Variants in TDRD1 observed in about 807,000 individuals in gnomAD.
TDRD1 encodes tudor domain containing 1, also known as tudor domain-containing protein 1.
Under a neutral mutation model 140.6 loss-of-function variants are expected in TDRD1, and 37 were observed. The ratio of observed to expected loss-of-function variants is 0.26; its 90% CI spans 0.20 to 0.35. The LOEUF (loss-of-function observed/expected upper bound fraction) is 0.35, where lower values mean the gene tolerates loss of function less well. Among genes scored for constraint, TDRD1 ranks in the 10% least tolerant of loss-of-function variants. The pLI is 1.00. For synonymous variants in TDRD1, 506 were observed against 475.7 expected, an observed-to-expected ratio of 1.06 and a Z score of -0.83; for missense variants, 1,243 against 1,393.0, an observed-to-expected ratio of 0.89 and a Z score of 1.71.
intron 5 of TDRD1, 59 bp from the exon 6 acceptor site, chr10:114,202,179 T>C (rs2034791188): frequency 7.6e-7 from 1 of 1,313,092 alleles, no homozygotes; most frequent in Non-Finnish European, 1.1e-6. Flanking sequence ...TTGTGGTTGA[T>C]AGCCCCTATG....
intron 3 of TDRD1, among the ~76,000 whole-genome samples, chr10:114,196,215 A>T (rs1022676486): frequency 6.6e-6 from 1 of 152,162 alleles, no homozygotes; most frequent in Non-Finnish European, 1.5e-5. Flanking sequence ...AAGTGCTGGG[A>T]TTACAAAGTG....
chr10:114,221,722 C>T (rs2036156927), intron 20 of TDRD1, among the ~76,000 whole-genome samples: 1 of 152,130 alleles, frequency 6.6e-6, no homozygotes, highest in Non-Finnish European at 1.5e-5. Context: ...CAGAAGTGTC[C>T]TTAATTACTG....
At chr10:114,196,531 A>T (rs1000347158) in intron 3 of TDRD1, among the ~76,000 whole-genome samples, 5 of 152,196 alleles carry the variant, frequency 3.3e-5, no homozygotes, top group Admixed American at 3.3e-4. Flanking sequence ...CCTTACTGCC[A>T]TGTAGCTCTT....
chr10:114,228,533 G>T, intron 25 of TDRD1: 1 of 991,948 alleles, frequency 1.0e-6, no homozygotes, highest in Non-Finnish European at 1.2e-6. Context: ...CTTTTTGCGA[G>T]GGGTATCTAA....
At chr10:114,175,670 G>A (rs2119821179), upstream of TDRD1, among the ~76,000 whole-genome samples, 1 of 152,268 alleles carries the variant, frequency 6.6e-6, no homozygotes, top group Non-Finnish European at 1.5e-5. Flanking sequence ...CATATTGCTT[G>A]TAGCAGAAAG....
chr10:114,185,583 C>A (rs930690722), intron 1 of TDRD1, among the ~76,000 whole-genome samples: 1 of 152,004 alleles, frequency 6.6e-6, no homozygotes, highest in Non-Finnish European at 1.5e-5. Flanking sequence ...AACATTATAT[C>A]TTTTTTGTTT....
At chr10:114,220,450 A>G (rs2036070978) in intron 18 of TDRD1, 118 bp from the exon 19 acceptor site, 1 of 665,072 alleles carries the variant, frequency 1.5e-6, no homozygotes, top group Non-Finnish European at 2.6e-6. Context: ...TGAATATTGA[A>G]GATACTGAGA....
At chr10:114,217,506 A>C in intron 16 of TDRD1, 39 bp from the exon 17 acceptor site, 1 of 1,118,136 alleles carries the variant, frequency 8.9e-7, no homozygotes, top group South Asian at 1.4e-5. Flanking sequence ...TTTATTTTTT[A>C]ATATGTTCTT....
At chr10:114,215,589 T>C (rs373936450) in intron 16 of TDRD1, among the ~76,000 whole-genome samples, 27 of 152,248 alleles carry the variant, frequency 1.8e-4, no homozygotes, top group African/African-American at 6.5e-4. Context: ...TTTCCAAATA[T>C]TGGTTTTTCT....
At chr10:114,202,203 T>C (rs376031539) in intron 5 of TDRD1, 35 bp from the exon 6 acceptor site, 12 of 1,541,752 alleles carry the variant, frequency 7.8e-6, no homozygotes, top group Non-Finnish European at 1.1e-5. Context: ...ATTGCCTCTG[T>C]AGTATAAATA....
At chr10:114,219,280 G>T (rs922098711) in intron 18 of TDRD1, among the ~76,000 whole-genome samples, 12 of 152,154 alleles carry the variant, frequency 7.9e-5, no homozygotes, top group African/African-American at 2.9e-4. Context: ...AACTTTCTGT[G>T]CTTCTGTTTC....
chr10:114,231,616 C>A, exon 26 of TDRD1: 1 of 980,546 alleles, frequency 1.0e-6, no homozygotes, highest in African/African-American at 1.7e-5. Flanking sequence ...CTGTAATGAC[C>A]TTCTATCCCT....
intron 25 of TDRD1, among the ~76,000 whole-genome samples, chr10:114,230,734 T>C (rs1056574822): frequency 3.3e-5 from 5 of 152,198 alleles, no homozygotes; most frequent in Non-Finnish European, 7.3e-5. Context: ...GAATATTTAC[T>C]CCTTTAAATT....
At chr10:114,179,090 C>T (rs1357871680), upstream of TDRD1, among the ~76,000 whole-genome samples, 3 of 152,210 alleles carry the variant, frequency 2.0e-5, no homozygotes, top group East Asian at 1.9e-4. Context: ...TGCATCTTTG[C>T]GCCCAAATTT....
intron 1 of TDRD1, among the ~76,000 whole-genome samples, chr10:114,184,606 G>C (rs1213164161): frequency 6.6e-6 from 1 of 152,220 alleles, no homozygotes; most frequent in Non-Finnish European, 1.5e-5. Flanking sequence ...ACTGTAGCTG[G>C]CAAATCAGAG....
chr10:114,181,166 C>G (rs1163931026), intron 1 of TDRD1, among the ~76,000 whole-genome samples: 5 of 152,134 alleles, frequency 3.3e-5, no homozygotes, highest in African/African-American at 4.8e-5. Context: ...ATCAGTGATT[C>G]CTAATTCTGA....
chr10:114,188,098 G>C (rs199499232), exon 2 of TDRD1: 1 of 1,611,618 alleles, frequency 6.2e-7, no homozygotes, highest in East Asian at 2.2e-5. Flanking sequence ...CTTCAAACCC[G>C]AATGGCATCA....
At chr10:114,188,037 T>G (rs761385196) in exon 2 of TDRD1, 1 of 1,614,190 alleles carries the variant, frequency 6.2e-7, no homozygotes, top group South Asian at 1.1e-5. Context: ...AATTTTTTGC[T>G]TTGTGAGCAA....
chr10:114,215,962 T>G (rs1373877820), intron 16 of TDRD1, among the ~76,000 whole-genome samples: 1 of 152,166 alleles, frequency 6.6e-6, no homozygotes, highest in African/African-American at 2.4e-5. Context: ...TGGTAAGTAA[T>G]TTTTGCATTT....
Sources: gnomAD v4.1 joint callset for allele counts (sites outside exome capture counted in the v4.1 genomes callset) on GRCh38, gnomAD v4.1.1 for gene constraint, MANE v1.5 for transcripts, NCBI Gene and HGNC (gene_info 2026-07-23, HGNC 2026-07-21) for gene names.